Variants in HOXB3 observed in about 807,000 individuals in gnomAD.
HOXB3 encodes the protein homeobox B3.
HOXB3 carries 17 observed loss-of-function variants against 29.2 expected under a neutral mutation model. That is an observed-to-expected ratio of 0.58 (90% confidence interval 0.40 to 0.87). The LOEUF (loss-of-function observed/expected upper bound fraction) is 0.87, where lower values mean the gene tolerates loss of function less well. HOXB3 is among the 40% of genes least tolerant of loss of function. The probability of loss-of-function intolerance (pLI) is 0.00; values close to 1 mark genes in which losing one functional copy is unlikely to be tolerated. For synonymous variants in HOXB3, 317 were observed against 285.9 expected, an observed-to-expected ratio of 1.11 and a Z score of -1.10; for missense variants, 637 against 616.3, an observed-to-expected ratio of 1.03 and a Z score of -0.35.
rs968301532 is a variant in HOXB3 at position 48,551,110 on chromosome 17, C to T, written c.520G>A (p.Gly174Ser). 3.7e-6 allele frequency: 5 copies of T among 1,361,034 alleles called. No individual in the cohort carries two copies. The African/African-American group carries it at 6.0e-5, about 16-fold the overall frequency. 84.3% of individuals were successfully genotyped at this position (1,361,034 alleles called of 1,614,324 possible). A position where few individuals can be genotyped will look rare whatever the true frequency, so the allele number is the denominator to read the frequency against. Residue 174 changes from glycine (G) to serine (S), a missense_variant, in exon 5 of 5, where the codon GGC becomes AGC. Physicochemically the swap from Gly to Ser is moderately conservative, Grantham distance 56 (BLOSUM62 0). Coordinates refer to ENST00000498678, the MANE Select transcript of HOXB3 (RefSeq NM_001384749.1). ...GGGCTCTTGTCCCCTCCCCCGCCGC[C>T]GCCGCCACCGCCCCCGCTGCCACCA... ...GSGGSGGGGGGGGGGDKSPPG... is the reference protein window; with the variant it reads ...GSGGSGGGGGSGGGGDKSPPG...
At position 48,554,351 on chromosome 17, in the gene HOXB3, A is replaced by G; in HGVS notation, c.-159+1180T>C. ...AGCAATAATAATGATGACGATGATG[A>G]TGATAGTAATAATAATAAAACAATA... is the stretch of plus-strand genomic sequence containing the variant. On this transcript the variant is annotated intron_variant, in intron 3 of 4. Coordinates refer to ENST00000498678, the MANE Select transcript of HOXB3 (RefSeq NM_001384749.1). The surrounding 1 kb of genome is among the most constrained non-coding windows in gnomAD (Gnocchi z 4.1). 4.8e-6 allele frequency: 2 copies of G among 416,768 alleles called. No individual in the cohort carries two copies. The highest frequency in any genetic ancestry group is 8.7e-6 in the Non-Finnish European group (2 of 230,204). The allele number at this position is 416,768 out of a possible 1,614,324, so 25.8% of individuals were successfully genotyped here. A position where few individuals can be genotyped will look rare whatever the true frequency, so the allele number is the denominator to read the frequency against.
chr17:48,587,477 T>C (rs1429240252), intron 1 of HOXB3, among the ~76,000 whole-genome samples: 1 of 152,202 alleles, frequency 6.6e-6, no homozygotes, highest in Non-Finnish European at 1.5e-5. Flanking sequence ...CTGGGGAGAC[T>C]AGCCCTGGGA....
At chr17:48,587,687 A>C (rs998945969) in intron 1 of HOXB3, among the ~76,000 whole-genome samples, 1 of 152,246 alleles carries the variant, frequency 6.6e-6, no homozygotes, top group Admixed American at 6.5e-5. Context: ...AGTTATGGAG[A>C]GGAAGCTGAT....
At chr17:48,568,651 G>GCACACACAC (rs1491485443) in intron 2 of HOXB3, among the ~76,000 whole-genome samples, 3 of 149,644 alleles carry the variant, frequency 2.0e-5, no homozygotes, top group Non-Finnish European at 4.5e-5. Context: ...ACACACGCGC[G>GCACACACAC]GACACACACA....
At chr17:48,575,615 G>A (rs528138770) in intron 1 of HOXB3, 2 of 152,608 alleles carry the variant, frequency 1.3e-5, no homozygotes, top group East Asian at 1.9e-4. Flanking sequence ...AGGTAGGAAG[G>A]GGCCTGGTTT....
Position 48,555,418 on chromosome 17 carries a change from G to C in HOXB3, c.-159+113C>G. 4.4e-6 allele frequency: 3 copies of C among 681,784 alleles called. 1 individual carries two copies. The South Asian group carries it at 4.5e-5, about 10-fold the overall frequency. 42.2% of individuals were successfully genotyped at this position (681,784 alleles called of 1,614,324 possible). ...AGAGAGAGTCGCTGCGTGGAAGGAA[G>C]CTTAAAGCTTGTGAACTCTTCTTGA... On this transcript the variant is annotated intron_variant, in intron 3 of 4. Transcript: ENST00000498678.
At position 48,550,733 on chromosome 17, in the gene HOXB3, C is replaced by G. The variant is rs1362222132; in HGVS notation, c.897G>C (p.Gln299His). 2 of 1,578,942 alleles carry G rather than the reference C, an allele frequency of 1.3e-6. No homozygotes were observed. Among genetic ancestry groups the G allele is most frequent in the African/African-American group, 1.4e-5 (1 of 74,056 alleles). The change falls in exon 5 of 5, where the codon CAG becomes CAC. Residue 299 changes from glutamine (Q) to histidine (H), a missense_variant. By Grantham distance (24) the Gln-to-His change is conservative. Transcript: ENST00000498678. ...AGTTGGAGGGCAGCGCGTAGGCATT[C>G]TGGTGGGCTTTACCGAAGGCGGGTG... The part of the protein sequence containing the change: ...PSPPAFGKAH[Q>H]NAYALPSNYQ...
At chr17:48,576,651 C>CT in intron 1 of HOXB3, 1 of 272,464 alleles carries the variant, frequency 3.7e-6, no homozygotes, top group South Asian at 4.9e-5. Flanking sequence ...CCCCTCCTGT[C>CT]CCCCCACCCC....
At chr17:48,562,738 TGCAAGTTTA>T (rs2069242429) in intron 2 of HOXB3, among the ~76,000 whole-genome samples, 1 of 152,078 alleles carries the variant, frequency 6.6e-6, no homozygotes, top group African/African-American at 2.4e-5. Context: ...GGTGGAAAAA[TGCAAGTTTA>T]GCTGGAGGCG....
At chr17:48,577,126 A>G (rs1276314173) in intron 1 of HOXB3, 3 of 1,141,550 alleles carry the variant, frequency 2.6e-6, no homozygotes, top group African/African-American at 3.2e-5. Flanking sequence ...CTCTCCCGCC[A>G]CCTCTTCTTC....
At chr17:48,575,209 C>G (rs1035370836) in intron 1 of HOXB3, 1 of 152,176 alleles carries the variant, frequency 6.6e-6, no homozygotes, top group Non-Finnish European at 1.5e-5. Flanking sequence ...CTCTTGTGTC[C>G]TACAATGAAA....
chr17:48,589,407 TG>T (rs2070106276), intron 1 of HOXB3, among the ~76,000 whole-genome samples: 1 of 152,098 alleles, frequency 6.6e-6, no homozygotes, highest in African/African-American at 2.4e-5. Context: ...GGTTTTGAAT[TG>T]GGGGAATTGC....
intron 2 of HOXB3, among the ~76,000 whole-genome samples, chr17:48,565,464 C>T (rs763573578): frequency 6.6e-6 from 1 of 152,194 alleles, no homozygotes; most frequent in Non-Finnish European, 1.5e-5. Flanking sequence ...AGGGTTTGGG[C>T]TTTTTTTCTG....
chr17:48,554,617 G>A lies in HOXB3; in HGVS notation c.-159+914C>T. On this transcript the variant is annotated intron_variant, in intron 3 of 4. Coordinates refer to ENST00000498678, the MANE Select transcript of HOXB3 (RefSeq NM_001384749.1). The surrounding 1 kb of genome is among the most constrained non-coding windows in gnomAD (Gnocchi z 4.1). ...CTGCTGCCGCGGCGACTGGCGACAA[G>A]CTACCAGCCACCTACGATGGCCCAA... 1.4e-6 allele frequency: 1 copy of A among 701,700 alleles called. No individual in the cohort carries two copies. Among genetic ancestry groups the A allele is most frequent in the Admixed American group, 2.0e-5 (1 of 50,006 alleles). The allele number at this position is 701,700 out of a possible 1,614,324, so 43.5% of individuals were successfully genotyped here. A position where few individuals can be genotyped will look rare whatever the true frequency, so the allele number is the denominator to read the frequency against.
chr17:48,579,441 GAACTGA>G (rs2069876891), intron 1 of HOXB3: 1 of 152,814 alleles, frequency 6.5e-6, no homozygotes, highest in South Asian at 2.1e-4. Context: ...ATCTTGTTCT[GAACTGA>G]AACGGAAAGG....
intron 3 of HOXB3, chr17:48,553,522 C>T (rs1255478422): frequency 6.6e-6 from 1 of 151,042 alleles, no homozygotes; most frequent in African/African-American, 2.4e-5. Flanking sequence ...TCTTTGATTT[C>T]CCCCAAAGCA....
chr17:48,582,873 G>T (rs576410504), intron 1 of HOXB3, among the ~76,000 whole-genome samples: 1 of 152,168 alleles, frequency 6.6e-6, no homozygotes, highest in African/African-American at 2.4e-5. Flanking sequence ...GAGAGTGTGG[G>T]GTTTCATGTG....
At chr17:48,579,939 A>G in intron 1 of HOXB3, 1 of 515,716 alleles carries the variant, frequency 1.9e-6, no homozygotes, top group South Asian at 1.5e-5. Flanking sequence ...TACAGAAGAC[A>G]GACAGATCTT....
At chr17:48,584,742 C>T (rs968122601) in intron 1 of HOXB3, among the ~76,000 whole-genome samples, 1 of 152,196 alleles carries the variant, frequency 6.6e-6, no homozygotes, top group Non-Finnish European at 1.5e-5. Context: ...CCACCACCAC[C>T]ACCAGTCTCG....
Sources: allele counts gnomAD v4.1 joint callset (sites outside exome capture counted in the v4.1 genomes callset), GRCh38; gene constraint gnomAD v4.1.1; non-coding constraint Gnocchi (gnomAD v3.1); transcripts MANE v1.5; gene names NCBI Gene and HGNC (gene_info 2026-07-23, HGNC 2026-07-21).